DCDC2C: variants seen among roughly 807,000 people sequenced by gnomAD.
DCDC2C encodes doublecortin domain containing 2C.
DCDC2C carries 44 observed loss-of-function variants against 45.0 expected under a neutral mutation model. The observed-to-expected ratio is 0.98, with a 90% CI of 0.77 to 1.26. The LOEUF (loss-of-function observed/expected upper bound fraction) is 1.26, where lower values mean the gene tolerates loss of function less well. DCDC2C is among the 50% of genes most tolerant of loss of function. The pLI is 0.00. For synonymous variants in DCDC2C, 187 were observed against 178.8 expected, an observed-to-expected ratio of 1.05 and a Z score of -0.37; for missense variants, 447 against 468.9, an observed-to-expected ratio of 0.95 and a Z score of 0.43.
rs374427439 is a variant in DCDC2C, at chr2:3,804,025, C to T, written c.1065+18925C>T. 3.3e-5 allele frequency among the ~76,000 whole-genome samples: 5 copies of T among 152,204 alleles called. No homozygotes were observed. In the East Asian group the frequency reaches 7.7e-4, roughly 23 times the overall value. ...CCAAACTTTGGTAGCTTCTGAAATCCTGAAAAACTTGGTCTGTATTAACAT... is the reference window on the plus strand; with the variant it reads ...CCAAACTTTGGTAGCTTCTGAAATCTTGAAAAACTTGGTCTGTATTAACAT... On this transcript the variant is annotated intron_variant, in intron 10 of 10. Coordinates refer to ENST00000399143, the MANE Select transcript of DCDC2C (RefSeq NM_001287444.2).
chr2:3,718,378 G>A (rs1668401000), intron 2 of DCDC2C, among the ~76,000 whole-genome samples: 1 of 152,190 alleles, frequency 6.6e-6, no homozygotes, highest in Non-Finnish European at 1.5e-5. Context: ...CTGGCTCTTA[G>A]AGTCAGCAAT....
chr2:3,737,938 GT>G (rs1263357505), intron 3 of DCDC2C, among the ~76,000 whole-genome samples: 1 of 152,146 alleles, frequency 6.6e-6, no homozygotes, highest in Admixed American at 6.5e-5. Context: ...TGACAAAGTA[GT>G]TTTATGCCTT....
At chr2:3,801,630 CA>C (rs1340773160) in intron 10 of DCDC2C, among the ~76,000 whole-genome samples, 1 of 152,262 alleles carries the variant, frequency 6.6e-6, no homozygotes, top group East Asian at 1.9e-4. Flanking sequence ...CACTTAGCAT[CA>C]GAGTCTTGGC....
At chr2:3,823,130 C>T (rs1318130516) in intron 10 of DCDC2C, among the ~76,000 whole-genome samples, 1 of 152,138 alleles carries the variant, frequency 6.6e-6, no homozygotes, top group African/African-American at 2.4e-5. Flanking sequence ...ATACAATTTC[C>T]CTCTAAGCAC....
intron 10 of DCDC2C, among the ~76,000 whole-genome samples, chr2:3,828,850 A>C (rs1415171689): frequency 6.6e-6 from 1 of 152,218 alleles, no homozygotes; most frequent in Non-Finnish European, 1.5e-5. Context: ...TGGGAGAATA[A>C]GGCAATGTTA....
chr2:3,771,903 A>G (rs966809930), intron 8 of DCDC2C, among the ~76,000 whole-genome samples: 17 of 152,228 alleles, frequency 1.1e-4, no homozygotes, highest in Non-Finnish European at 2.2e-4. Context: ...TTTCCAGGCC[A>G]TTAGTGAAGG....
intron 10 of DCDC2C, among the ~76,000 whole-genome samples, chr2:3,786,057 T>G (rs1295122256): frequency 2.0e-5 from 3 of 152,346 alleles, no homozygotes; most frequent in Admixed American, 6.5e-5. Context: ...CTACTTTTAT[T>G]CTTATTGTTA....
At chr2:3,831,752 C>T (rs1671957065) in intron 10 of DCDC2C, among the ~76,000 whole-genome samples, 1 of 152,120 alleles carries the variant, frequency 6.6e-6, no homozygotes, top group Non-Finnish European at 1.5e-5. Context: ...GGATCAAACA[C>T]CAGCCCTTCC....
chr2:3,805,827 A>G (rs928473948), intron 10 of DCDC2C, among the ~76,000 whole-genome samples: 3 of 152,326 alleles, frequency 2.0e-5, no homozygotes, highest in South Asian at 2.1e-4. Context: ...ATGTTTTGCA[A>G]AAGTGAAATT....
At chr2:3,797,058 G>C (rs536241113) in intron 10 of DCDC2C, among the ~76,000 whole-genome samples, 2 of 152,222 alleles carry the variant, frequency 1.3e-5, no homozygotes, top group South Asian at 4.2e-4. Flanking sequence ...TCTGTTATTG[G>C]TCTATTCAGA....
At chr2:3,751,212 G>T (rs1471597628) in intron 4 of DCDC2C, among the ~76,000 whole-genome samples, 1 of 152,210 alleles carries the variant, frequency 6.6e-6, no homozygotes, top group African/African-American at 2.4e-5. Flanking sequence ...CTTTGGGGGT[G>T]CCCTCTCCTT....
rs1449935389 is a variant in DCDC2C at position 3,820,319 on chromosome 2, A to G, written c.1066-26835A>G. The stretch of plus-strand genomic sequence containing the variant: ...GTTTTAGGTCAGGCAAGAGTTGAAG[A>G]GGTTTTAAGTTTTTGAGAACACAGG... On this transcript the variant is annotated intron_variant, in intron 10 of 10. Transcript: ENST00000399143. 2.0e-5 allele frequency among the ~76,000 whole-genome samples: 3 copies of G among 152,262 alleles called. No homozygotes were observed. In the East Asian group the frequency reaches 5.8e-4, roughly 29 times the overall value.
chr2:3,837,621 G>GTTAC, intron 10 of DCDC2C, among the ~76,000 whole-genome samples: 1 of 103,140 alleles, frequency 9.7e-6, no homozygotes, highest in Non-Finnish European at 2.3e-5. Flanking sequence ...AGAAACTGAG[G>GTTAC]AAGAAATCAG....
At chr2:3,799,970 G>A (rs971408819) in intron 10 of DCDC2C, among the ~76,000 whole-genome samples, 3 of 152,178 alleles carry the variant, frequency 2.0e-5, no homozygotes, top group Non-Finnish European at 2.9e-5. Flanking sequence ...CCCCAGCCTC[G>A]CTGCTGCCTT....
chr2:3,725,552 GCCCGGTGGATCCCA>G lies in DCDC2C; in HGVS notation c.340-1450_340-1437del, dbSNP rs1264177764. ...AAGACGAGCAGAGAGGGAGGAGGCT[GCCCGGTGGATCCCA>G]GAGGAAGACGAGCAGAGAGGGAGGA... On this transcript the variant is annotated intron_variant, in intron 2 of 10. Transcript: ENST00000399143. Among the ~76,000 whole-genome samples the G allele has an allele frequency of 9.1e-4, 124 of 136,294 alleles. 2 individuals carry two copies. Among genetic ancestry groups the G allele is most frequent in the Non-Finnish European group, 1.2e-3 (77 of 62,928 alleles). 89.4% of individuals were successfully genotyped at this position (136,294 alleles called of 152,430 possible).
intron 10 of DCDC2C, among the ~76,000 whole-genome samples, chr2:3,833,241 T>C (rs1671996033): frequency 1.3e-5 from 2 of 152,222 alleles, no homozygotes; most frequent in Non-Finnish European, 2.9e-5. Context: ...ATACTCGCCC[T>C]CTTTATTAGC....
At chr2:3,738,710 C>T (rs1156667150) in intron 3 of DCDC2C, among the ~76,000 whole-genome samples, 1 of 152,108 alleles carries the variant, frequency 6.6e-6, no homozygotes, top group Non-Finnish European at 1.5e-5. Context: ...TGTTGTGTAC[C>T]TTCATTTTTC....
intron 6 of DCDC2C, among the ~76,000 whole-genome samples, chr2:3,755,419 G>T (rs1669670577): frequency 6.6e-6 from 1 of 152,062 alleles, no homozygotes; most frequent in African/African-American, 2.4e-5. Context: ...TTAAATACAT[G>T]TGTGTATGGA....
chr2:3,708,515 T>C (rs745398561), intron 1 of DCDC2C, 34 bp from the exon 2 acceptor site: 98 of 1,491,898 alleles, frequency 6.6e-5, no homozygotes, highest in Non-Finnish European at 8.0e-5. Context: ...AATATCTTCC[T>C]TCTAATGATG....
Sources: allele counts gnomAD v4.1 joint callset (sites outside exome capture counted in the v4.1 genomes callset), GRCh38; gene constraint gnomAD v4.1.1; transcripts MANE v1.5; gene names NCBI Gene and HGNC (gene_info 2026-07-23, HGNC 2026-07-21).